SLX4IP: variants seen among roughly 807,000 people sequenced by gnomAD.
The protein encoded by SLX4IP is protein SLX4IP.
Under a neutral mutation model 32.9 loss-of-function variants are expected in SLX4IP, and 34 were observed. The ratio of observed to expected loss-of-function variants is 1.03; its 90% confidence interval spans 0.79 to 1.38. SLX4IP has a LOEUF of 1.38. Ranked by LOEUF, SLX4IP falls within the 40% of genes most tolerant of loss-of-function variation. The pLI is 0.00. For missense variants in SLX4IP, 444 were observed against 479.0 expected, an observed-to-expected ratio of 0.93 and a Z score of 0.68; for synonymous variants, 172 against 171.7, an observed-to-expected ratio of 1.00 and a Z score of -0.01.
chr20:10,500,859 G>A (rs1052128798), intron 2 of SLX4IP, among the ~76,000 whole-genome samples: 2 of 152,178 alleles, frequency 1.3e-5, no homozygotes, highest in African/African-American at 4.8e-5. Context: ...ATTCTAATTT[G>A]CAACCAGTTT....
intron 2 of SLX4IP, among the ~76,000 whole-genome samples, chr20:10,513,390 G>C (rs1465373147): frequency 6.6e-6 from 1 of 152,184 alleles, no homozygotes; most frequent in Admixed American, 6.5e-5. Context: ...GAACAGGTGT[G>C]AAATAATTAA....
intron 7 of SLX4IP, 148 bp from the exon 8 acceptor site, chr20:10,622,511 G>A: frequency 9.5e-7 from 1 of 1,055,740 alleles, no homozygotes; most frequent in Non-Finnish European, 1.3e-6. Flanking sequence ...CACCTGTGGT[G>A]GGGAGTGTTT....
chr20:10,613,272 G>T, intron 6 of SLX4IP: 1 of 639,368 alleles, frequency 1.6e-6, no homozygotes, highest in Admixed American at 2.7e-5. Flanking sequence ...GAAATACTAA[G>T]ATCAGGTTGA....
In SLX4IP at chr20:10,515,037, G is replaced by C. The variant is rs972126723; in HGVS notation, c.28-41194G>C. Among the ~76,000 whole-genome samples the C allele has an allele frequency of 2.0e-5, 3 of 148,978 alleles. No individual in the cohort carries two copies. In the East Asian group the frequency reaches 5.9e-4, roughly 29 times the overall value. Reference sequence around the variant, plus strand: ...CTCTTGAGGGGCAGAATTGAAGGTCGATGCGTCTTTTGTTAAATTCACATT... The same window carrying C: ...CTCTTGAGGGGCAGAATTGAAGGTCCATGCGTCTTTTGTTAAATTCACATT... On this transcript the variant is annotated intron_variant, in intron 2 of 7. Transcript: ENST00000334534.
At chr20:10,438,630 A>G (rs1226612480) in intron 1 of SLX4IP, among the ~76,000 whole-genome samples, 8 of 151,570 alleles carry the variant, frequency 5.3e-5, no homozygotes, top group Admixed American at 5.3e-4. Flanking sequence ...GGCTTCCTTC[A>G]CCATGCCCAG....
At chr20:10,460,104 G>A (rs189495974) in intron 2 of SLX4IP, among the ~76,000 whole-genome samples, 6 of 152,168 alleles carry the variant, frequency 3.9e-5, no homozygotes, top group African/African-American at 1.2e-4. Flanking sequence ...TTTCTGTGAA[G>A]GCATGTAAGT....
At chr20:10,540,963 A>C (rs765010540) in intron 2 of SLX4IP, among the ~76,000 whole-genome samples, 49 of 152,178 alleles carry the variant, frequency 3.2e-4, no homozygotes, top group Non-Finnish European at 5.1e-4. Flanking sequence ...CAGTCATGGG[A>C]TTGTTTCCTG....
At chr20:10,539,959 C>T (rs1375449423) in intron 2 of SLX4IP, among the ~76,000 whole-genome samples, 1 of 152,208 alleles carries the variant, frequency 6.6e-6, no homozygotes, top group African/African-American at 2.4e-5. Flanking sequence ...CCAGCAGCAT[C>T]AGCATCACCT....
At chr20:10,440,381 C>A (rs561223927) in intron 1 of SLX4IP, among the ~76,000 whole-genome samples, 1 of 151,730 alleles carries the variant, frequency 6.6e-6, no homozygotes, top group South Asian at 2.1e-4. Context: ...CTTGAACCCA[C>A]GAGGCAGAGG....
At chr20:10,458,142 A>G (rs1338655550) in intron 1 of SLX4IP, 34 bp from the exon 2 acceptor site, 4 of 1,389,394 alleles carry the variant, frequency 2.9e-6, no homozygotes, top group Admixed American at 2.5e-5. Context: ...AGAAATTTTA[A>G]TATACCTAAT....
chr20:10,578,743 G>GT (rs1194038732), intron 4 of SLX4IP, among the ~76,000 whole-genome samples: 1 of 152,066 alleles, frequency 6.6e-6, no homozygotes, highest in African/African-American at 2.4e-5. Context: ...AGCCACACCT[G>GT]TTTGTCTTTT....
intron 2 of SLX4IP, among the ~76,000 whole-genome samples, chr20:10,545,448 C>T (rs2066153620): frequency 6.6e-6 from 1 of 152,060 alleles, no homozygotes; most frequent in Non-Finnish European, 1.5e-5. Context: ...AATGTGTAGC[C>T]CCCTTGATAC....
intron 2 of SLX4IP, among the ~76,000 whole-genome samples, chr20:10,539,679 C>G (rs146169782): frequency 3.3e-5 from 5 of 152,260 alleles, no homozygotes; most frequent in African/African-American, 9.6e-5. Flanking sequence ...AATTATTAAA[C>G]TGTTCAGAGT....
chr20:10,458,101 C>T (rs2065302584), intron 1 of SLX4IP, 75 bp from the exon 2 acceptor site: 2 of 890,668 alleles, frequency 2.2e-6, no homozygotes, highest in South Asian at 2.1e-5. Flanking sequence ...CTATTCAGCC[C>T]ATCTTTTTCC....
chr20:10,571,703 C>T (rs999411789), intron 4 of SLX4IP, among the ~76,000 whole-genome samples: 4 of 152,160 alleles, frequency 2.6e-5, no homozygotes, highest in African/African-American at 9.7e-5. Flanking sequence ...GTTCAGCACC[C>T]ACTGCAGAGC....
intron 6 of SLX4IP, among the ~76,000 whole-genome samples, chr20:10,604,402 T>G (rs1186806564): frequency 6.6e-6 from 1 of 152,210 alleles, no homozygotes; most frequent in African/African-American, 2.4e-5. Context: ...CCTTCATCTT[T>G]TTTTTTGGAT....
intron 4 of SLX4IP, among the ~76,000 whole-genome samples, chr20:10,574,094 C>T (rs1410213900): frequency 6.6e-6 from 1 of 152,220 alleles, no homozygotes; most frequent in African/African-American, 2.4e-5. Flanking sequence ...CCACTTATTA[C>T]AGTAAATGGA....
chr20:10,473,030 A>G (rs1372223340), intron 2 of SLX4IP, among the ~76,000 whole-genome samples: 1 of 152,242 alleles, frequency 6.6e-6, no homozygotes, highest in Non-Finnish European at 1.5e-5. Flanking sequence ...GTTGCTATTA[A>G]GAAAGCAGGC....
At chr20:10,586,264 AC>A (rs1190240758) in intron 4 of SLX4IP, among the ~76,000 whole-genome samples, 3 of 152,222 alleles carry the variant, frequency 2.0e-5, no homozygotes, top group Non-Finnish European at 4.4e-5. Flanking sequence ...GAATCAGGCA[AC>A]ACTCAAATCC....
Sources: allele counts gnomAD v4.1 joint callset (sites outside exome capture counted in the v4.1 genomes callset), GRCh38; gene constraint gnomAD v4.1.1; transcripts MANE v1.5; gene names NCBI Gene and HGNC (gene_info 2026-07-23, HGNC 2026-07-21).